The following CIT variants were observed in gnomAD, a reference collection of about 807,000 sequenced individuals.
CIT encodes citron Rho-interacting kinase.
Under a neutral mutation model 272.7 loss-of-function variants are expected in CIT, and 79 were observed. The ratio of observed to expected loss-of-function variants is 0.29; its 90% CI spans 0.24 to 0.35. The LOEUF is 0.35. CIT is among the 10% of genes least tolerant of loss of function. The probability of loss-of-function intolerance (pLI) is 1.00; values close to 1 mark genes in which losing one functional copy is unlikely to be tolerated. For synonymous variants in CIT, 948 were observed against 995.6 expected (o/e 0.95, Z 0.90); for missense variants, 1,909 against 2,618.3 (o/e 0.73, Z 5.91).
At chr12:119,837,098 A>G (rs1478088214) in intron 5 of CIT, among the ~76,000 whole-genome samples, 1 of 152,246 alleles carries the variant, frequency 6.6e-6, no homozygotes, top group African/African-American at 2.4e-5. Context: ...ACAAACCTCT[A>G]AATAGACCGG....
At chr12:119,700,921 G>A (rs1956523828) in intron 43 of CIT, 96 bp from the exon 44 acceptor site, 2 of 992,112 alleles carry the variant, frequency 2.0e-6, no homozygotes, top group South Asian at 1.3e-5. Flanking sequence ...CAGAGCCCAG[G>A]GACCCCTGGC....
chr12:119,756,576 G>C (rs182082622), intron 22 of CIT, among the ~76,000 whole-genome samples: 3 of 152,336 alleles, frequency 2.0e-5, no homozygotes, highest in East Asian at 1.9e-4. Context: ...TGGAAGGTGG[G>C]GGGAGGGGGT....
At chr12:119,811,901 T>G (rs1053771837) in intron 9 of CIT, among the ~76,000 whole-genome samples, 4 of 151,918 alleles carry the variant, frequency 2.6e-5, no homozygotes, top group Non-Finnish European at 5.9e-5. Flanking sequence ...AAGCTGAATT[T>G]GGATATACCC....
intron 16 of CIT, among the ~76,000 whole-genome samples, chr12:119,773,640 T>A: frequency 6.6e-6 from 1 of 152,144 alleles, no homozygotes. Flanking sequence ...ACCATGTTGG[T>A]CAGGCTGGTC....
At chr12:119,752,857 G>A (rs1409386892) in intron 22 of CIT, among the ~76,000 whole-genome samples, 2 of 152,286 alleles carry the variant, frequency 1.3e-5, no homozygotes, top group East Asian at 3.9e-4. Context: ...ATGAAAGACA[G>A]TCTCTGCCTT....
intron 10 of CIT, among the ~76,000 whole-genome samples, chr12:119,796,338 C>T (rs1376899818): frequency 6.6e-6 from 1 of 152,148 alleles, no homozygotes; most frequent in East Asian, 1.9e-4. Flanking sequence ...CTGCACCAGA[C>T]CAAGCAAGAG....
At position 119,825,287 on chromosome 12, in the gene CIT, T is replaced by C. The variant is rs762849714; in HGVS notation, c.835A>G (p.Thr279Ala). The C allele has an allele frequency of 6.2e-7, 1 of 1,614,090 alleles. No homozygotes were observed. The change falls in exon 8 of 48, where the codon ACC (threonine) becomes GCC (alanine). Residue 279 changes from threonine (T) to alanine (A), a missense_variant. By Grantham distance (58) the Thr-to-Ala change is moderately conservative. Around this residue, in one of 8 missense-constraint regions of CIT, gnomAD observed 529 missense variants for 549.6 expected, o/e 0.96. Coordinates refer to ENST00000392521, the MANE Select transcript of CIT (RefSeq NM_001206999.2). Reference sequence around the variant, plus strand: ...CACCAGTCACAGTCCAGGCCGTAGGTGCCTTTTCCATCCCCGTTCATCACA... The same window carrying C: ...CACCAGTCACAGTCCAGGCCGTAGGCGCCTTTTCCATCCCCGTTCATCACA... Reference protein sequence around the residue: ...LTVMNGDGKGTYGLDCDWWSV... With the variant: ...LTVMNGDGKGAYGLDCDWWSV...
rs770422777 is a variant in CIT at position 119,721,367 on chromosome 12, C to T, written c.3674G>A (p.Arg1225Gln). The change falls in exon 29 of 48, where the codon CGG (arginine) becomes CAG (glutamine). Residue 1225 changes from arginine to glutamine, a missense_variant. Coordinates refer to ENST00000392521, the MANE Select transcript of CIT (RefSeq NM_001206999.2). ...LTQGLQEALD[R>Q]ADLLKTERSD... ...TCTTTCTGTCTTCAGTAGATCAGCC[C>T]GATCTAGAGCTTCTTGCAGTCCTTG... The T allele has an allele frequency of 1.6e-5, 26 of 1,611,312 alleles. No homozygotes were observed. Among genetic ancestry groups the T allele is most frequent in the South Asian group, 3.3e-5 (3 of 90,958 alleles).
intron 23 of CIT, among the ~76,000 whole-genome samples, chr12:119,749,894 G>A (rs903895975): frequency 3.9e-5 from 6 of 152,164 alleles, no homozygotes; most frequent in African/African-American, 1.2e-4. Context: ...GCAGTGACAC[G>A]TGCTCTATTT....
chr12:119,853,402 G>A (rs1057013693), intron 4 of CIT, among the ~76,000 whole-genome samples: 163 of 151,070 alleles, frequency 1.1e-3, no homozygotes, highest in African/African-American at 3.9e-3. Flanking sequence ...GTTATTGTTA[G>A]AACAAGTTAC....
At chr12:119,814,926 T>C (rs2137977496) in intron 9 of CIT, among the ~76,000 whole-genome samples, 1 of 151,074 alleles carries the variant, frequency 6.6e-6, no homozygotes, top group South Asian at 2.1e-4. Flanking sequence ...TAATCCCAGC[T>C]GCGTGGGAGG....
Position 119,713,359 on chromosome 12 carries a change from G to C in CIT, c.4488-65C>G. 1 of 1,582,728 alleles carries C rather than the reference G, an allele frequency of 6.3e-7. No individual in the cohort carries two copies. Among genetic ancestry groups the C allele is most frequent in the South Asian group, 1.1e-5 (1 of 89,796 alleles). On this transcript the variant is annotated intron_variant, in intron 34 of 47. Coordinates refer to ENST00000392521, the MANE Select transcript of CIT (RefSeq NM_001206999.2). This position sits in a 1 kb window ranked among gnomAD's most constrained non-coding sequence, Gnocchi z 5.2. ...AGAAGAAACATCCGGCTGGAGGATAGGATGAGGGGGTGGCAGAGTTCCTAG... is the reference window on the plus strand; with the variant it reads ...AGAAGAAACATCCGGCTGGAGGATACGATGAGGGGGTGGCAGAGTTCCTAG...
intron 44 of CIT, among the ~76,000 whole-genome samples, chr12:119,698,990 C>T (rs1956392441): frequency 2.6e-5 from 4 of 152,102 alleles, no homozygotes; most frequent in Admixed American, 1.3e-4. Context: ...CGCGGTGGCT[C>T]ATGCCTGTAA....
intron 9 of CIT, among the ~76,000 whole-genome samples, chr12:119,812,985 A>C (rs1966867812): frequency 6.6e-6 from 1 of 152,178 alleles, no homozygotes; most frequent in Admixed American, 6.5e-5. Flanking sequence ...CATAGCAGGC[A>C]CTCAACCAAC....
intron 23 of CIT, among the ~76,000 whole-genome samples, chr12:119,743,178 C>T (rs908544577): frequency 1.3e-5 from 2 of 150,732 alleles, no homozygotes; most frequent in African/African-American, 2.4e-5. Flanking sequence ...TGAATAAGTG[C>T]GTGATTAGAG....
At chr12:119,751,990 T>C (rs941747267) in intron 23 of CIT, 60 bp downstream of exon 23, 1 of 1,462,194 alleles carries the variant, frequency 6.8e-7, no homozygotes, top group Non-Finnish European at 9.4e-7. Context: ...TCAGTGCCAG[T>C]TCCACACTCA....
rs551264267 is a variant in CIT, at chr12:119,818,864, C to T, written c.1111+3956G>A. The stretch of plus-strand genomic sequence containing the variant: ...AAGTGTGCTGGTTCCGTTGACATCA[C>T]GATGCCTCGGGGGAAGATATCTTAA... On this transcript the variant is annotated intron_variant, in intron 9 of 47. Transcript: ENST00000392521. 7.2e-5 allele frequency among the ~76,000 whole-genome samples: 11 copies of T among 152,256 alleles called. 1 individual carries two copies. Among genetic ancestry groups the T allele is most frequent in the Admixed American group, 3.9e-4 (6 of 15,286 alleles).
chr12:119,824,333 A>G lies in CIT; in HGVS notation c.957+832T>C, dbSNP rs539512127. ...CAGTGCTTTGGTTTCCTCATCTATA[A>G]ATGAAAATAATAATACTTACCTCAC... On this transcript the variant is annotated intron_variant, in intron 8 of 47. Transcript: ENST00000392521. Among the ~76,000 whole-genome samples, 344 of 152,140 alleles carry G rather than the reference A, an allele frequency of 2.3e-3. 3 individuals carry two copies. Among genetic ancestry groups the G allele is most frequent in the Admixed American group, 5.7e-3 (87 of 15,282 alleles).
chr12:119,862,849 C>CAA (rs112181745), intron 3 of CIT, among the ~76,000 whole-genome samples: 4 of 64,938 alleles, frequency 6.2e-5, no homozygotes, highest in Non-Finnish European at 9.6e-5. Context: ...AAGAAAAAAC[C>CAA]AAAAAAAAAA....
Sources: allele counts gnomAD v4.1 joint callset (sites outside exome capture counted in the v4.1 genomes callset), GRCh38; gene constraint gnomAD v4.1.1; regional missense constraint gnomAD v4.1.1; non-coding constraint Gnocchi (gnomAD v3.1); transcripts MANE v1.5; gene names NCBI Gene and HGNC (gene_info 2026-07-23, HGNC 2026-07-21).